Variants in ZBTB40 observed in about 807,000 individuals in gnomAD.
ZBTB40 encodes the protein zinc finger and BTB domain-containing protein 40.
A neutral mutation model predicts 117.5 loss-of-function variants in ZBTB40; 60 were observed. The ratio of observed to expected loss-of-function variants is 0.51; its 90% CI spans 0.41 to 0.63. The LOEUF (loss-of-function observed/expected upper bound fraction) is 0.63, where lower values mean the gene tolerates loss of function less well. ZBTB40 is among the 30% of genes least tolerant of loss of function. The probability of loss-of-function intolerance (pLI) is 0.00; values close to 1 mark genes in which losing one functional copy is unlikely to be tolerated. For missense variants in ZBTB40, 1,287 were observed against 1,498.5 expected, an observed-to-expected ratio of 0.86 and a Z score of 2.33; for synonymous variants, 525 against 577.1, an observed-to-expected ratio of 0.91 and a Z score of 1.29.
rs943488196 is a variant in ZBTB40, at chr1:22,530,107, A to G, written c.*3711A>G. The G allele has an allele frequency of 6.6e-6, 1 of 152,248 alleles. No individual in the cohort carries two copies. Among genetic ancestry groups the G allele is most frequent in the African/African-American group, 2.4e-5 (1 of 41,382 alleles). The allele number at this position is 152,248 out of a possible 1,614,324, so 9.4% of individuals were successfully genotyped here. A position where few individuals can be genotyped will look rare whatever the true frequency, so the allele number is the denominator to read the frequency against. On this transcript the variant is annotated 3_prime_UTR_variant, in exon 18 of 18. Coordinates refer to ENST00000375647, the MANE Select transcript of ZBTB40 (RefSeq NM_014870.4). The stretch of plus-strand genomic sequence containing the variant: ...GGAGGGAGGGAAGTGCTAACCATGT[A>G]TAGAGTGGGCAGGCGGTTCCAGGGA...
At chr1:22,443,605 G>A (rs1426969955) in intron 1 of ZBTB40, among the ~76,000 whole-genome samples, 4 of 152,252 alleles carry the variant, frequency 2.6e-5, no homozygotes, top group Middle Eastern at 3.4e-3. Context: ...GTCTCTTTTC[G>A]GATCTTAAAA....
In ZBTB40 at chr1:22,527,937, C is replaced by A. The variant is rs1008366248; in HGVS notation, c.*1541C>A. On this transcript the variant is annotated 3_prime_UTR_variant, in exon 18 of 18. Transcript: ENST00000375647. ...CTCCGGCCAGCCTGGGACAGCTCAT[C>A]CCAGCCGACTACACCTGCTTCTGGT... 6.6e-6 allele frequency: 1 copy of A among 152,550 alleles called. No homozygotes were observed. Among genetic ancestry groups the A allele is most frequent in the Non-Finnish European group, 1.5e-5 (1 of 68,070 alleles). 9.4% of individuals were successfully genotyped at this position (152,550 alleles called of 1,614,324 possible).
chr1:22,478,438 G>A (rs1038751649), intron 1 of ZBTB40, among the ~76,000 whole-genome samples: 6 of 151,992 alleles, frequency 3.9e-5, no homozygotes, highest in African/African-American at 1.2e-4. Flanking sequence ...TAGTAGAGAC[G>A]GGGTTTCACC....
chr1:22,429,679 A>C (rs1640551645), intron 1 of ZBTB40, among the ~76,000 whole-genome samples: 1 of 152,160 alleles, frequency 6.6e-6, no homozygotes, highest in Non-Finnish European at 1.5e-5. Context: ...TGGGAAATCT[A>C]CATTTTTTTT....
At position 22,516,576 on chromosome 1, in the gene ZBTB40, A is replaced by C. The variant is rs138801458; in HGVS notation, c.2669-724A>C. ...TTTTCCTAACAGAGTCTTATTTTGC[A>C]GCCCAATACATAAACACTGAAAATG... On this transcript the variant is annotated intron_variant, in intron 12 of 17. Coordinates refer to ENST00000375647, the MANE Select transcript of ZBTB40 (RefSeq NM_014870.4). Among the ~76,000 whole-genome samples, 23 of 152,276 alleles carry C rather than the reference A, an allele frequency of 1.5e-4. No individual in the cohort carries two copies. In the East Asian group the frequency reaches 4.5e-3, roughly 29 times the overall value.
chr1:22,459,205 A>G (rs1356824921), intron 1 of ZBTB40, among the ~76,000 whole-genome samples: 1 of 152,148 alleles, frequency 6.6e-6, no homozygotes, highest in Non-Finnish European at 1.5e-5. Flanking sequence ...ATATCTTTAT[A>G]TAGTTGTGTT....
intron 8 of ZBTB40, among the ~76,000 whole-genome samples, 165 bp from the exon 9 acceptor site, chr1:22,508,935 A>G (rs1274329952): frequency 6.6e-6 from 1 of 152,218 alleles, no homozygotes; most frequent in Non-Finnish European, 1.5e-5. Context: ...TACATTCATT[A>G]TTATACTCTG....
rs371235945 is a variant in ZBTB40 at position 22,464,926 on chromosome 1, A to G, written c.-70+12922A>G. Among the ~76,000 whole-genome samples the G allele has an allele frequency of 3.9e-4, 60 of 152,298 alleles. 1 individual carries two copies. Among genetic ancestry groups the G allele is most frequent in the African/African-American group, 1.4e-3 (57 of 41,578 alleles). Reference sequence around the variant, plus strand: ...AGAATTTACCATTTTAAAGTGTACAATTCAAACATCTGTGTAACTGTTATG... The same window carrying G: ...AGAATTTACCATTTTAAAGTGTACAGTTCAAACATCTGTGTAACTGTTATG... On this transcript the variant is annotated intron_variant, in intron 1 of 17. Coordinates refer to ENST00000375647, the MANE Select transcript of ZBTB40 (RefSeq NM_014870.4).
intron 16 of ZBTB40, among the ~76,000 whole-genome samples, chr1:22,523,627 C>T (rs1293455719): frequency 6.6e-6 from 1 of 152,166 alleles, no homozygotes; most frequent in Non-Finnish European, 1.5e-5. Context: ...TTGATTCCTG[C>T]TTTGGGAATA....
At chr1:22,455,436 T>C (rs1378887537) in intron 1 of ZBTB40, among the ~76,000 whole-genome samples, 1 of 152,186 alleles carries the variant, frequency 6.6e-6, no homozygotes, top group Non-Finnish European at 1.5e-5. Flanking sequence ...CAGGTTTCGC[T>C]TTAAACTCTC....
intron 9 of ZBTB40, among the ~76,000 whole-genome samples, 177 bp downstream of exon 9, chr1:22,509,410 G>A (rs184622488): frequency 1.1e-3 from 169 of 152,178 alleles, no homozygotes; most frequent in African/African-American, 3.8e-3. Context: ...GCAGTGGCAC[G>A]ATCTTGGCTC....
At chr1:22,460,153 A>G (rs891585031) in intron 1 of ZBTB40, among the ~76,000 whole-genome samples, 2 of 152,058 alleles carry the variant, frequency 1.3e-5, no homozygotes, top group Non-Finnish European at 2.9e-5. Flanking sequence ...ACCTCTTAGC[A>G]CTGTGTCCTG....
At chr1:22,443,417 T>C (rs938398033) in intron 1 of ZBTB40, among the ~76,000 whole-genome samples, 1 of 152,246 alleles carries the variant, frequency 6.6e-6, no homozygotes, top group Non-Finnish European at 1.5e-5. Context: ...GGCAAGGGCC[T>C]TACAGGTGAT....
rs1362454494 is a variant in ZBTB40, at chr1:22,513,692, C to T, written c.2668+562C>T. ...CTCCAGCCTGGGCAACAGAGTGAGA[C>T]TCCGTCTCAAAAATAATAATAATAA... On this transcript the variant is annotated intron_variant, in intron 12 of 17. Transcript: ENST00000375647. This position sits in a 1 kb window ranked among gnomAD's most constrained non-coding sequence, Gnocchi z 4.9. Among the ~76,000 whole-genome samples, 1 of 152,106 alleles carries T rather than the reference C, an allele frequency of 6.6e-6. No individual in the cohort carries two copies. Among genetic ancestry groups the T allele is most frequent in the Non-Finnish European group, 1.5e-5 (1 of 68,010 alleles).
chr1:22,472,981 G>A (rs901811299), intron 1 of ZBTB40, among the ~76,000 whole-genome samples: 1 of 152,236 alleles, frequency 6.6e-6, no homozygotes, highest in South Asian at 2.1e-4. Context: ...TTTATTCCCA[G>A]AGATACTTTG....
intron 9 of ZBTB40, among the ~76,000 whole-genome samples, chr1:22,510,563 A>G (rs1274074846): frequency 6.6e-6 from 1 of 152,230 alleles, no homozygotes; most frequent in East Asian, 1.9e-4. Context: ...TTCTCAGTGT[A>G]CCGACTCTTT....
intron 5 of ZBTB40, among the ~76,000 whole-genome samples, chr1:22,503,381 G>C (rs1466446621): frequency 6.6e-6 from 1 of 150,880 alleles, no homozygotes; most frequent in Admixed American, 6.6e-5. Context: ...ATGTTTGTTG[G>C]TGTTATTGAT....
chr1:22,448,837 C>T (rs1454097200), upstream of ZBTB40, among the ~76,000 whole-genome samples: 3 of 151,018 alleles, frequency 2.0e-5, no homozygotes, highest in Non-Finnish European at 4.4e-5. Flanking sequence ...TTTTTTGAGA[C>T]AGTCTTGCCC....
At chr1:22,449,512 C>T (rs951934223), upstream of ZBTB40, among the ~76,000 whole-genome samples, 2 of 152,210 alleles carry the variant, frequency 1.3e-5, no homozygotes, top group African/African-American at 4.8e-5. Context: ...AAGTCAGCCC[C>T]ATGAGAACTT....
Sources: allele counts gnomAD v4.1 joint callset (sites outside exome capture counted in the v4.1 genomes callset), GRCh38; gene constraint gnomAD v4.1.1; non-coding constraint Gnocchi (gnomAD v3.1); transcripts MANE v1.5; gene names NCBI Gene and HGNC (gene_info 2026-07-23, HGNC 2026-07-21).